The following ZNF778 variants were observed in gnomAD, a reference collection of about 807,000 sequenced individuals.
ZNF778 encodes the protein zinc finger protein 778.
Under a neutral mutation model 23.9 loss-of-function variants are expected in ZNF778, and 37 were observed. The observed-to-expected ratio is 1.54, with a 90% confidence interval of 1.19 to 2.03. ZNF778 has a LOEUF of 2.03. Among genes scored for constraint, ZNF778 ranks in the 30% most tolerant of loss-of-function variants. The pLI, the probability that ZNF778 is intolerant of heterozygous loss-of-function variation, is 0.00. For missense variants in ZNF778, 1,297 were observed against 934.4 expected (o/e 1.39, Z -5.06); for synonymous variants, 483 against 343.9 (o/e 1.40, Z -4.48).
At chr16:89,221,653 C>CTG (rs1436524833) in intron 2 of ZNF778, among the ~76,000 whole-genome samples, 2 of 137,316 alleles carry the variant, frequency 1.5e-5, no homozygotes, top group South Asian at 2.3e-4. Flanking sequence ...CATTGTATGG[C>CTG]TGTGTGTGTG....
rs544413468 is a variant in ZNF778 at position 89,228,618 on chromosome 16, G to A, written c.*56G>A. On this transcript the variant is annotated 3_prime_UTR_variant, in exon 7 of 7. Coordinates refer to ENST00000433976, the MANE Select transcript of ZNF778 (RefSeq NM_001201407.2). ...ACTCATTCACGTTGAAGACATGAAA[G>A]ACCTCTCGTTCTCCAGATGTCCATG... 1.3e-5 allele frequency: 20 copies of A among 1,523,470 alleles called. No individual in the cohort carries two copies. The highest frequency in any genetic ancestry group is 9.7e-5 in the African/African-American group (7 of 71,962). 94.4% of individuals were successfully genotyped at this position (1,523,470 alleles called of 1,614,324 possible).
At position 89,229,125 on chromosome 16, in the gene ZNF778, C is replaced by A; in HGVS notation, c.*563C>A. 1 of 986,178 alleles carries A rather than the reference C, an allele frequency of 1.0e-6. No homozygotes were observed. The highest frequency in any genetic ancestry group is 1.2e-6 in the Non-Finnish European group (1 of 830,518). The allele number at this position is 986,178 out of a possible 1,614,324, so 61.1% of individuals were successfully genotyped here. On this transcript the variant is annotated 3_prime_UTR_variant, in exon 7 of 7. Transcript: ENST00000433976. Reference sequence around the variant, plus strand: ...GAGGACTCTGTTCCCTGTAGAAATCCTCCAGTCTGGTTGCTACAGTGTCCA... The same window carrying A: ...GAGGACTCTGTTCCCTGTAGAAATCATCCAGTCTGGTTGCTACAGTGTCCA...
Position 89,228,432 on chromosome 16 carries a change from T to C in ZNF778, c.2144T>C (p.Leu715Pro). The change falls in exon 7 of 7, where the codon CTA (leucine) becomes CCA (proline). Residue 715 changes from leucine to proline, a missense_variant. Coordinates refer to ENST00000433976, the MANE Select transcript of ZNF778 (RefSeq NM_001201407.2). ...GGGAAAGCATACAATAGGTTTTATC[T>C]ACTAAAAGAACATTTAAAAACTTAC... ...ECGKAYNRFYLLKEHLKTYTE... is the reference protein window; with the variant it reads ...ECGKAYNRFYPLKEHLKTYTE... 6.2e-7 allele frequency: 1 copy of C among 1,613,962 alleles called. No homozygotes were observed. The highest frequency in any genetic ancestry group is 8.5e-7 in the Non-Finnish European group (1 of 1,179,880).
intron 2 of ZNF778, 68 bp from the exon 3 acceptor site, chr16:89,222,024 G>C: frequency 2.6e-6 from 3 of 1,136,360 alleles, no homozygotes; most frequent in Non-Finnish European, 3.8e-6. Flanking sequence ...AATGACTTCC[G>C]GGTCCATGAG....
In ZNF778 at chr16:89,226,915, T is replaced by TA; in HGVS notation, c.628dup (p.Thr210AsnfsTer17). On this transcript the variant is annotated frameshift_variant, in exon 7 of 7. Coordinates refer to ENST00000433976, the MANE Select transcript of ZNF778 (RefSeq NM_001201407.2). LOFTEE classifies it low-confidence loss of function (END_TRUNC). ...GTCAGTGTGGAAAAGCCTTCAGCTC[T>TA]ACTCCAAATGTTGTTTCCCAGCAAG... is the stretch of plus-strand genomic sequence containing the variant. 2 of 1,614,028 alleles carry TA rather than the reference T, an allele frequency of 1.2e-6. No homozygotes were observed. Among genetic ancestry groups the TA allele is most frequent in the East Asian group, 4.5e-5 (2 of 44,884 alleles).
rs58617581 is a variant in ZNF778, at chr16:89,228,760, C to T, written c.*198C>T. 7.2e-7 allele frequency: 1 copy of T among 1,386,550 alleles called. No homozygotes were observed. The allele number at this position is 1,386,550 out of a possible 1,614,324, so 85.9% of individuals were successfully genotyped here. ...GCCCTCAGTGTTCTCTAAGGTCTTG[C>T]TGAATATGGATGGTATCCAGTAGAG... On this transcript the variant is annotated 3_prime_UTR_variant, in exon 7 of 7. Coordinates refer to ENST00000433976, the MANE Select transcript of ZNF778 (RefSeq NM_001201407.2).
At chr16:89,222,864 A>C (rs1456259043) in intron 3 of ZNF778, among the ~76,000 whole-genome samples, 1 of 151,996 alleles carries the variant, frequency 6.6e-6, no homozygotes, top group Non-Finnish European at 1.5e-5. Flanking sequence ...AGAGAAGCTC[A>C]CATGTTAGAG....
rs371283231 is a variant in ZNF778 at position 89,227,650 on chromosome 16, C to T, written c.1362C>T (p.Cys454=). 57 of 1,613,968 alleles carry T rather than the reference C, an allele frequency of 3.5e-5. No homozygotes were observed. Among genetic ancestry groups the T allele is most frequent in the East Asian group, 2.9e-4 (13 of 44,872 alleles). The stretch of plus-strand genomic sequence containing the variant: ...AGAAGCCATACACGTGTAAGGACTG[C>T]GGGAAAGCCTTCTGTACATCCTCGG... The part of the protein sequence containing the change: ...TGEKPYTCKD[C]GKAFCTSSGL... The change falls in exon 7 of 7, where the codon TGC becomes TGT. Residue 454 remains cysteine (C), a synonymous_variant. Coordinates refer to ENST00000433976, the MANE Select transcript of ZNF778 (RefSeq NM_001201407.2).
chr16:89,219,101 C>T lies in ZNF778; in HGVS notation c.-132+1191C>T, dbSNP rs150861594. 4.7e-3 allele frequency among the ~76,000 whole-genome samples: 720 copies of T among 152,048 alleles called. 4 individuals are homozygous for T. The highest frequency in any genetic ancestry group is 0.017 in the African/African-American group (695 of 41,488). On this transcript the variant is annotated intron_variant, in intron 1 of 6. Transcript: ENST00000433976. ...CAGCCTGGGCGACAGAGCAAGACTCCGTCTCAAAAAAATAAAAAAATAAAA... is the reference window on the plus strand; with the variant it reads ...CAGCCTGGGCGACAGAGCAAGACTCTGTCTCAAAAAAATAAAAAAATAAAA...
Position 89,235,192 on chromosome 16 carries a change from A to C in ZNF778, c.*6630A>C, listed in dbSNP as rs897699026. The C allele has an allele frequency of 2.6e-5, 4 of 152,118 alleles. No homozygotes were observed. The highest frequency in any genetic ancestry group is 9.7e-5 in the African/African-American group (4 of 41,422). 9.4% of individuals were successfully genotyped at this position (152,118 alleles called of 1,614,324 possible). On this transcript the variant is annotated 3_prime_UTR_variant, in exon 7 of 7. Transcript: ENST00000433976. ...TGAAGAAAAGAGGTTTATTTTGTTCACAATTCTGAAGGCCTGGAGGGTCCC... is the reference window on the plus strand; with the variant it reads ...TGAAGAAAAGAGGTTTATTTTGTTCCCAATTCTGAAGGCCTGGAGGGTCCC...
chr16:89,228,451 A>C lies in ZNF778; in HGVS notation c.2163A>C (p.Lys721Asn). The C allele has an allele frequency of 6.2e-7, 1 of 1,613,930 alleles. No homozygotes were observed. Among genetic ancestry groups the C allele is most frequent in the Non-Finnish European group, 8.5e-7 (1 of 1,179,856 alleles). Residue 721 changes from lysine to asparagine, a missense_variant, in exon 7 of 7, where the codon AAA (lysine) becomes AAC (asparagine). Physicochemically the swap from Lys to Asn is moderately conservative, Grantham distance 94. Transcript: ENST00000433976. ...NRFYLLKEHL[K>N]TYTEEQVFVC... is the part of the protein sequence containing the mutation. ...TTTATCTACTAAAAGAACATTTAAA[A>C]ACTTACACTGAAGAGCAGGTTTTTG...
rs1371890050 is a variant in ZNF778 at position 89,233,759 on chromosome 16, T to C, written c.*5197T>C. The stretch of plus-strand genomic sequence containing the variant: ...ACTGCATATGCAACTCAACTCGCAC[T>C]GCGTATGCAACTCAACTCGCACTGC... On this transcript the variant is annotated 3_prime_UTR_variant, in exon 7 of 7. Transcript: ENST00000433976. 3 of 1,237,816 alleles carry C rather than the reference T, an allele frequency of 2.4e-6. No homozygotes were observed. The Admixed American group carries it at 7.2e-5, about 30-fold the overall frequency. 76.7% of individuals were successfully genotyped at this position (1,237,816 alleles called of 1,614,324 possible).
Position 89,227,329 on chromosome 16 carries a change from T to G in ZNF778, c.1041T>G (p.Thr347=), listed in dbSNP as rs2031571882. 1.9e-6 allele frequency: 3 copies of G among 1,613,890 alleles called. No homozygotes were observed. The highest frequency in any genetic ancestry group is 2.7e-5 in the African/African-American group (2 of 74,922). ...GTAAAGAATGCGGAAAAGCCTTCACTGGACTCTCAGGTCTTTCTAAACACG... is the reference window on the plus strand; with the variant it reads ...GTAAAGAATGCGGAAAAGCCTTCACGGGACTCTCAGGTCTTTCTAAACACG... ...CECKECGKAF[T]GLSGLSKHVQ... is the part of the protein sequence containing the mutation. Residue 347 remains threonine, a synonymous_variant, in exon 7 of 7, where the codon ACT becomes ACG. Transcript: ENST00000433976.
intron 2 of ZNF778, among the ~76,000 whole-genome samples, chr16:89,221,813 T>C (rs1320578098): frequency 6.6e-6 from 1 of 150,536 alleles, no homozygotes; most frequent in Non-Finnish European, 1.5e-5. Context: ...CCTCAGGCAG[T>C]GTATGGCTGT....
At position 89,222,097 on chromosome 16, in the gene ZNF778, C is replaced by A; in HGVS notation, c.31C>A (p.His11Asn). 5 of 1,593,426 alleles carry A rather than the reference C, an allele frequency of 3.1e-6. No individual in the cohort carries two copies. Among genetic ancestry groups the A allele is most frequent in the South Asian group, 1.1e-5 (1 of 89,046 alleles). The change falls in exon 3 of 7, where the codon CAT (histidine) becomes AAT (asparagine). Residue 11 changes from histidine to asparagine, a missense_variant. His to Asn is a moderately conservative substitution (Grantham distance 68). Transcript: ENST00000433976. MAAPDLAHGG[H>N]VSRDSVCLHE... ...TTGCCTTCTTTGTTTTTTAGGAGGT[C>A]ATGTTTCTAGGGACTCAGTCTGCCT...
At position 89,230,600 on chromosome 16, in the gene ZNF778, C is replaced by G. The variant is rs2031870464; in HGVS notation, c.*2038C>G. 1.3e-5 allele frequency: 2 copies of G among 152,286 alleles called. No homozygotes were observed. The highest frequency in any genetic ancestry group is 4.8e-5 in the African/African-American group (2 of 41,446). The allele number at this position is 152,286 out of a possible 1,614,324, so 9.4% of individuals were successfully genotyped here. A position where few individuals can be genotyped will look rare whatever the true frequency, so the allele number is the denominator to read the frequency against. The stretch of plus-strand genomic sequence containing the variant: ...CGGCTGGTCCTGATGTTCTGTGGCG[C>G]TTGGCCCTGTCACTGGCGCTTCTTG... On this transcript the variant is annotated 3_prime_UTR_variant, in exon 7 of 7. Coordinates refer to ENST00000433976, the MANE Select transcript of ZNF778 (RefSeq NM_001201407.2).
chr16:89,219,827 C>T (rs1305104775), intron 1 of ZNF778, among the ~76,000 whole-genome samples: 1 of 152,272 alleles, frequency 6.6e-6, no homozygotes, highest in African/African-American at 2.4e-5. Context: ...AAAAGATCTG[C>T]AGAGTGTTGT....
At position 89,227,939 on chromosome 16, in the gene ZNF778, C is replaced by A; in HGVS notation, c.1651C>A (p.His551Asn). ...CAATAGGGTTTATCTACTGAATGAG[C>A]ATGTGAAAACTCACACAGAGGAGAA... is the stretch of plus-strand genomic sequence containing the variant. Reference protein sequence around the residue: ...AYNRVYLLNEHVKTHTEEKPF... With the variant: ...AYNRVYLLNENVKTHTEEKPF... The change falls in exon 7 of 7, where the codon CAT (histidine) becomes AAT (asparagine). Residue 551 changes from histidine to asparagine, a missense_variant. Transcript: ENST00000433976. The A allele has an allele frequency of 1.3e-6, 2 of 1,590,264 alleles. No homozygotes were observed. Among genetic ancestry groups the A allele is most frequent in the Non-Finnish European group, 1.7e-6 (2 of 1,165,356 alleles).
chr16:89,227,473 T>C lies in ZNF778; in HGVS notation c.1185T>C (p.Cys395=). The C allele has an allele frequency of 1.2e-6, 2 of 1,613,904 alleles. No homozygotes were observed. The highest frequency in any genetic ancestry group is 1.7e-6 in the Non-Finnish European group (2 of 1,179,878). Residue 395 remains cysteine (C), a synonymous_variant, in exon 7 of 7, where the codon TGT becomes TGC. Transcript: ENST00000433976. ...ACACGAGGGAGAAGCCCTTTGCATG[T>C]GTGGTTTGCGGAAAATATTTTAGAA... The part of the protein sequence containing the change: ...KTHTREKPFA[C]VVCGKYFRNS...
Sources: gnomAD v4.1 joint callset for allele counts (sites outside exome capture counted in the v4.1 genomes callset) on GRCh38, gnomAD v4.1.1 for gene constraint, MANE v1.5 for transcripts, NCBI Gene and HGNC (gene_info 2026-07-23, HGNC 2026-07-21) for gene names.